The following NHSL1 variants were observed in gnomAD, a reference collection of about 807,000 sequenced individuals.
The protein encoded by NHSL1 is NHS-like protein 1.
NHSL1 carries 48 observed loss-of-function variants against 95.0 expected under a neutral mutation model. The ratio of observed to expected loss-of-function variants is 0.51; its 90% CI spans 0.40 to 0.64. The LOEUF (loss-of-function observed/expected upper bound fraction) is 0.64. Among genes scored for constraint, NHSL1 ranks in the 30% least tolerant of loss-of-function variants. The probability of loss-of-function intolerance (pLI) is 0.00; values close to 1 mark genes in which losing one functional copy is unlikely to be tolerated. For synonymous variants in NHSL1, 783 were observed against 833.9 expected (o/e 0.94, Z 1.05); for missense variants, 1,971 against 2,077.7 (o/e 0.95, Z 1.00).
intron 3 of NHSL1, among the ~76,000 whole-genome samples, chr6:138,465,883 C>T (rs1261981361): frequency 6.6e-6 from 1 of 151,532 alleles, no homozygotes; most frequent in African/African-American, 2.4e-5. Flanking sequence ...GCCACCATGC[C>T]CAGCTAATTT....
At chr6:138,616,468 G>A (rs987485062) in intron 1 of NHSL1, among the ~76,000 whole-genome samples, 6 of 151,956 alleles carry the variant, frequency 3.9e-5, no homozygotes, top group Admixed American at 1.3e-4. Context: ...ATGGTGGTAG[G>A]AACAAGTAAA....
chr6:138,630,535 G>A (rs1158510223), intron 1 of NHSL1, among the ~76,000 whole-genome samples: 11 of 151,906 alleles, frequency 7.2e-5, no homozygotes, highest in South Asian at 4.2e-4. Flanking sequence ...AAAGGCGTGC[G>A]CCACCATGCC....
At chr6:138,520,517 T>C (rs1195344688) in intron 1 of NHSL1, among the ~76,000 whole-genome samples, 1 of 152,130 alleles carries the variant, frequency 6.6e-6, no homozygotes, top group Non-Finnish European at 1.5e-5. Flanking sequence ...CTTAAACTCC[T>C]GACCTCAGGC....
intron 1 of NHSL1, among the ~76,000 whole-genome samples, chr6:138,655,951 A>G (rs1785150829): frequency 6.6e-6 from 1 of 152,184 alleles, no homozygotes; most frequent in Non-Finnish European, 1.5e-5. Context: ...ATGTGATGAA[A>G]GCAGAAGTCA....
intron 3 of NHSL1, among the ~76,000 whole-genome samples, chr6:138,447,534 G>A (rs1412953697): frequency 6.6e-6 from 1 of 152,184 alleles, no homozygotes; most frequent in Non-Finnish European, 1.5e-5. Flanking sequence ...AGCACTTTAG[G>A]AGGCTGAGGT....
At chr6:138,484,258 G>A (rs1408149335) in intron 2 of NHSL1, among the ~76,000 whole-genome samples, 1 of 152,162 alleles carries the variant, frequency 6.6e-6, no homozygotes, top group Admixed American at 6.5e-5. Flanking sequence ...GAAAAAGCTT[G>A]CAGGCAAGTG....
At chr6:138,610,425 GAT>G (rs535376445) in intron 1 of NHSL1, among the ~76,000 whole-genome samples, 74 of 151,936 alleles carry the variant, frequency 4.9e-4, no homozygotes, top group Non-Finnish European at 1.0e-3. Flanking sequence ...AGCATTAGGA[GAT>G]ATACCTAATG....
intron 2 of NHSL1, among the ~76,000 whole-genome samples, chr6:138,492,775 C>T (rs1388034003): frequency 2.0e-5 from 3 of 151,916 alleles, no homozygotes; most frequent in East Asian, 1.9e-4. Context: ...CATTTAATGG[C>T]GATGAAAAAG....
At chr6:138,545,367 T>C (rs1275392517) in intron 1 of NHSL1, among the ~76,000 whole-genome samples, 2 of 152,160 alleles carry the variant, frequency 1.3e-5, no homozygotes, top group African/African-American at 2.4e-5. Context: ...CTTTTGTCTA[T>C]AACAAAACAC....
intron 1 of NHSL1, among the ~76,000 whole-genome samples, chr6:138,666,435 C>A (rs555092709): frequency 5.3e-4 from 80 of 151,632 alleles, no homozygotes; most frequent in African/African-American, 1.9e-3. Flanking sequence ...ACTAAAAATA[C>A]AAAAAAATTA....
chr6:138,494,887 C>T (rs754964743), intron 2 of NHSL1, among the ~76,000 whole-genome samples: 1 of 152,200 alleles, frequency 6.6e-6, no homozygotes, highest in Non-Finnish European at 1.5e-5. Context: ...CTTTGAAGAA[C>T]TACTTTCCTT....
chr6:138,422,469 T>TC lies in NHSL1; in HGVS notation c.*1611dup, dbSNP rs1364754368. The TC allele has an allele frequency of 1.3e-5, 2 of 152,220 alleles. No homozygotes were observed. Among genetic ancestry groups the TC allele is most frequent in the African/African-American group, 2.4e-5 (1 of 41,460 alleles). 9.4% of individuals were successfully genotyped at this position (152,220 alleles called of 1,614,324 possible). A position where few individuals can be genotyped will look rare whatever the true frequency, so the allele number is the denominator to read the frequency against. ...TCTCATAATGATTTGACCCATGCAG[T>TC]CCAACTTTTAGATAGTATTTCCATA... is the stretch of plus-strand genomic sequence containing the variant. On this transcript the variant is annotated 3_prime_UTR_variant, in exon 8 of 8. Transcript: ENST00000343505.
At chr6:138,554,653 T>C (rs1697708349) in intron 1 of NHSL1, among the ~76,000 whole-genome samples, 1 of 152,248 alleles carries the variant, frequency 6.6e-6, no homozygotes, top group Non-Finnish European at 1.5e-5. Flanking sequence ...GATAATTGAA[T>C]ACATTATTCT....
intron 1 of NHSL1, among the ~76,000 whole-genome samples, chr6:138,529,805 G>A (rs1245766261): frequency 6.6e-6 from 1 of 152,122 alleles, no homozygotes; most frequent in African/African-American, 2.4e-5. Flanking sequence ...ATTACATTAG[G>A]CCCACTTGGA....
intron 1 of NHSL1, among the ~76,000 whole-genome samples, chr6:138,660,962 C>T (rs1028755122): frequency 1.6e-4 from 25 of 152,290 alleles, no homozygotes; most frequent in African/African-American, 5.8e-4. Flanking sequence ...CGTGGTGGCG[C>T]ACGCCTGTAG....
At chr6:138,653,853 C>T (rs1319801722) in intron 1 of NHSL1, among the ~76,000 whole-genome samples, 3 of 152,214 alleles carry the variant, frequency 2.0e-5, no homozygotes, top group Non-Finnish European at 4.4e-5. Flanking sequence ...CTTACCCTTA[C>T]TGTATGATAC....
chr6:138,508,865 C>A (rs1212749001), intron 1 of NHSL1, among the ~76,000 whole-genome samples: 1 of 152,168 alleles, frequency 6.6e-6, no homozygotes, highest in African/African-American at 2.4e-5. Flanking sequence ...AAAATAATTT[C>A]ATTAACTGTA....
At chr6:138,664,403 A>G (rs1248490343) in intron 1 of NHSL1, among the ~76,000 whole-genome samples, 2 of 152,214 alleles carry the variant, frequency 1.3e-5, no homozygotes, top group African/African-American at 2.4e-5. Flanking sequence ...TTTTAGGGAA[A>G]AAACACATAT....
intron 1 of NHSL1, among the ~76,000 whole-genome samples, chr6:138,582,580 T>G (rs1313748529): frequency 6.6e-6 from 1 of 152,144 alleles, no homozygotes; most frequent in Non-Finnish European, 1.5e-5. Context: ...TCACCTAAGG[T>G]TCTGAGCTGA....
Sources: gnomAD v4.1 joint callset for allele counts (sites outside exome capture counted in the v4.1 genomes callset) on GRCh38, gnomAD v4.1.1 for gene constraint, MANE v1.5 for transcripts, NCBI Gene and HGNC (gene_info 2026-07-23, HGNC 2026-07-21) for gene names.